The following KNTC1 variants were observed in gnomAD, a reference collection of about 807,000 sequenced individuals.
KNTC1 encodes kinetochore associated 1, also known as kinetochore-associated protein 1.
KNTC1 carries 253 observed loss-of-function variants against 314.4 expected under a neutral mutation model. The ratio of observed to expected loss-of-function variants is 0.80; its 90% CI spans 0.73 to 0.89. KNTC1 has a LOEUF of 0.89. Ranked by LOEUF, KNTC1 falls within the 40% of genes least tolerant of loss-of-function variation. KNTC1 has a pLI of 0.00. For synonymous variants in KNTC1, 901 were observed against 901.4 expected (o/e 1.00, Z 0.01); for missense variants, 2,475 against 2,572.9 (o/e 0.96, Z 0.82).
chr12:122,601,481 A>G (rs770496610), intron 44 of KNTC1, 55 bp from the exon 45 acceptor site: 207 of 1,405,238 alleles, frequency 1.5e-4, no homozygotes, highest in Non-Finnish European at 1.9e-4. Context: ...AATTGAATAA[A>G]ATTTCAACAT....
chr12:122,566,303 G>A (rs889163015), intron 20 of KNTC1, among the ~76,000 whole-genome samples: 2 of 150,798 alleles, frequency 1.3e-5, no homozygotes, highest in African/African-American at 4.9e-5. Context: ...GCTCGAGTGC[G>A]GTGGCTCGAT....
In KNTC1 at chr12:122,605,334, C is replaced by T. The variant is rs112680302; in HGVS notation, c.5415C>T (p.Ala1805=). ...TTCATGCAGCAGCTAAAGAAATAGC[C>T]GAAGTCAATGAAATTAATTTGGAAA... ...PDIHAAAKEI[A]EVNEINLEKV... The change falls in exon 51 of 64, where the codon GCC becomes GCT. Residue 1805 remains alanine (A), a synonymous_variant. Transcript: ENST00000333479. The T allele has an allele frequency of 2.4e-5, 39 of 1,602,010 alleles. No individual in the cohort carries two copies. Among genetic ancestry groups the T allele is most frequent in the South Asian group, 1.2e-4 (11 of 88,718 alleles).
rs548165774 is a variant in KNTC1 at position 122,541,969 on chromosome 12, C to T, written c.446-81C>T. ...GGCGGAGGTTGCAGGGAGCCGAGAT[C>T]GCGCTGCTGCACTCCAGCCTAGCGA... On this transcript the variant is annotated intron_variant, in intron 5 of 63. Transcript: ENST00000333479. The T allele has an allele frequency of 1.2e-4, 167 of 1,349,314 alleles. No individual in the cohort carries two copies. In the African/African-American group the frequency reaches 1.6e-3, roughly 13 times the overall value. 83.6% of individuals were successfully genotyped at this position (1,349,314 alleles called of 1,614,324 possible).
At chr12:122,575,439 C>A in intron 27 of KNTC1, 104 bp from the exon 28 acceptor site, 2 of 718,602 alleles carry the variant, frequency 2.8e-6, no homozygotes, top group Non-Finnish European at 2.4e-6. Flanking sequence ...TATTCTCAAA[C>A]TACCATGTGG....
chr12:122,611,792 C>T (rs1439702420), intron 53 of KNTC1: 2 of 152,202 alleles, frequency 1.3e-5, no homozygotes, highest in African/African-American at 2.4e-5. Flanking sequence ...CATACATCCT[C>T]CTATATACCT....
intron 57 of KNTC1, among the ~76,000 whole-genome samples, chr12:122,617,733 CA>C (rs1873922517): frequency 6.6e-6 from 1 of 152,174 alleles, no homozygotes; most frequent in Non-Finnish European, 1.5e-5. Flanking sequence ...GAACCTTAAT[CA>C]TCTCAAACAG....
intron 16 of KNTC1, among the ~76,000 whole-genome samples, chr12:122,556,979 C>T (rs984258526): frequency 2.3e-4 from 32 of 137,024 alleles, no homozygotes; most frequent in African/African-American, 8.7e-4. Context: ...TGGGCTCGAA[C>T]TCCTGGGCTC....
chr12:122,580,567 G>T, intron 32 of KNTC1, 36 bp from the exon 33 acceptor site: 1 of 1,256,376 alleles, frequency 8.0e-7, no homozygotes, highest in Non-Finnish European at 1.1e-6. Flanking sequence ...ATGAGAATTT[G>T]CATGTCTGCT....
intron 43 of KNTC1, among the ~76,000 whole-genome samples, chr12:122,595,128 G>A (rs1052269477): frequency 1.1e-4 from 17 of 152,262 alleles, no homozygotes; most frequent in East Asian, 3.9e-4. Context: ...CACCCGCCTC[G>A]GCCTCCCAAA....
chr12:122,573,188 C>T lies in KNTC1; in HGVS notation c.2186C>T (p.Ala729Val), dbSNP rs1396604089. Reference protein sequence around the residue: ...IVFRMFDKVLAPELIPSILEK... With the variant: ...IVFRMFDKVLVPELIPSILEK... ...TTCCGAATGTTTGATAAAGTGCTGG[C>T]CCCAGAGCTTATTCCCTCCATCTTA... Residue 729 changes from alanine (A) to valine (V), a missense_variant, in exon 26 of 64, where the codon GCC (alanine) becomes GTC (valine). Transcript: ENST00000333479. 6.2e-7 allele frequency: 1 copy of T among 1,613,708 alleles called. No homozygotes were observed. The highest frequency in any genetic ancestry group is 8.5e-7 in the Non-Finnish European group (1 of 1,179,808).
chr12:122,624,247 G>T (rs950864808), intron 62 of KNTC1, among the ~76,000 whole-genome samples: 3 of 149,140 alleles, frequency 2.0e-5, no homozygotes, highest in African/African-American at 7.3e-5. Flanking sequence ...TTTTAATTTT[G>T]ACTTCAATGC....
intron 16 of KNTC1, among the ~76,000 whole-genome samples, chr12:122,555,435 C>G (rs974435206): frequency 6.6e-6 from 1 of 152,120 alleles, no homozygotes; most frequent in African/African-American, 2.4e-5. Context: ...GCCTGTTGTC[C>G]CAGTTACTCG....
At chr12:122,623,832 C>T (rs773040830) in intron 62 of KNTC1, among the ~76,000 whole-genome samples, 6 of 152,030 alleles carry the variant, frequency 3.9e-5, no homozygotes, top group Admixed American at 6.6e-5. Flanking sequence ...TTTGGGAGGC[C>T]GAGGCGGGTG....
intron 50 of KNTC1, 83 bp downstream of exon 50, chr12:122,605,170 A>G (rs1872443401): frequency 1.6e-6 from 2 of 1,252,042 alleles, no homozygotes; most frequent in South Asian, 1.4e-5. Context: ...ACGTGTACAT[A>G]TATATTACTT....
chr12:122,547,635 T>C (rs1044605818), intron 11 of KNTC1, 105 bp downstream of exon 11: 2 of 777,294 alleles, frequency 2.6e-6, no homozygotes. Context: ...TAAACAACAC[T>C]GTGAAACAGT....
rs899690840 is a variant in KNTC1, at chr12:122,569,901, G to A, written c.1860+77G>A. On this transcript the variant is annotated intron_variant, in intron 22 of 63. Coordinates refer to ENST00000333479, the MANE Select transcript of KNTC1 (RefSeq NM_014708.6). ...ATTAGATCATTGAGAATTAAGTCAC[G>A]TTAACACCAGTTAACACCAGTTAGT... is the stretch of plus-strand genomic sequence containing the variant. 1.7e-4 allele frequency: 184 copies of A among 1,093,454 alleles called. No homozygotes were observed. The Admixed American group carries it at 3.6e-3, about 22-fold the overall frequency. 67.7% of individuals were successfully genotyped at this position (1,093,454 alleles called of 1,614,324 possible).
rs11395342 is a variant in KNTC1 at position 122,598,421 on chromosome 12, C to CTTTTTTTTTT, written c.4563+491_4563+500dup. Among the ~76,000 whole-genome samples the CTTTTTTTTTT allele has an allele frequency of 8.4e-4, 104 of 124,240 alleles. 2 individuals are homozygous for CTTTTTTTTTT. Among genetic ancestry groups the CTTTTTTTTTT allele is most frequent in the Non-Finnish European group, 1.2e-3 (72 of 61,502 alleles). 81.5% of individuals were successfully genotyped at this position (124,240 alleles called of 152,430 possible). A position where few individuals can be genotyped will look rare whatever the true frequency, so the allele number is the denominator to read the frequency against. On this transcript the variant is annotated intron_variant, in intron 44 of 63. Transcript: ENST00000333479. ...GAAATGTCTTTTTTCTTTTTCTTTT[C>CTTTTTTTTTT]TTTTTTTTTTTTTTTTTGAGACAAG...
chr12:122,533,137 C>T (rs1359394988), intron 2 of KNTC1, among the ~76,000 whole-genome samples: 1 of 151,450 alleles, frequency 6.6e-6, no homozygotes, highest in African/African-American at 2.4e-5. Flanking sequence ...ACAGTGTGGA[C>T]AGATCCCTAG....
In KNTC1 at chr12:122,603,047, C is replaced by T. The variant is rs1419058716; in HGVS notation, c.4905C>T (p.Tyr1635=). The T allele has an allele frequency of 3.7e-6, 6 of 1,613,372 alleles. No individual in the cohort carries two copies. Among genetic ancestry groups the T allele is most frequent in the Admixed American group, 3.3e-5 (2 of 59,974 alleles). ...KLMKFSLDTL[Y]VSTAKHVFEK... ...TGAAGTTCTCTCTGGACACTCTGTA[C>T]GTGTCTACAGCAAAACACGTTTTCG... The change falls in exon 48 of 64, where the codon TAC becomes TAT. Residue 1635 remains tyrosine, a synonymous_variant. Coordinates refer to ENST00000333479, the MANE Select transcript of KNTC1 (RefSeq NM_014708.6).
Sources: allele counts gnomAD v4.1 joint callset (sites outside exome capture counted in the v4.1 genomes callset), GRCh38; gene constraint gnomAD v4.1.1; transcripts MANE v1.5; gene names NCBI Gene and HGNC (gene_info 2026-07-23, HGNC 2026-07-21).